EML6: variants seen among roughly 807,000 people sequenced by gnomAD.
EML6 encodes echinoderm microtubule-associated protein-like 6.
Under a neutral mutation model 240.1 loss-of-function variants are expected in EML6, and 154 were observed. That is an observed-to-expected ratio of 0.64 (90% CI 0.56 to 0.73). The LOEUF (loss-of-function observed/expected upper bound fraction) is 0.73. EML6 is among the 30% of genes least tolerant of loss of function. EML6 has a pLI of 0.00. For missense variants in EML6, 2,964 were observed against 2,474.6 expected, an observed-to-expected ratio of 1.20 and a Z score of -4.20; for synonymous variants, 1,148 against 899.0, an observed-to-expected ratio of 1.28 and a Z score of -4.95.
In EML6 at chr2:54,954,170, G is replaced by A. The variant is rs763761020; in HGVS notation, c.4486+14G>A. On this transcript the variant is annotated intron_variant, in intron 32 of 41. Transcript: ENST00000356458. The stretch of plus-strand genomic sequence containing the variant: ...GATGGCAGGAAGGTAAACCAGCACT[G>A]GGCTTTCTGTCCCTCCAGGGTGTCT... The A allele has an allele frequency of 6.5e-7, 1 of 1,548,448 alleles. No individual in the cohort carries two copies. Among genetic ancestry groups the A allele is most frequent in the Non-Finnish European group, 8.7e-7 (1 of 1,145,478 alleles).
intron 32 of EML6, 115 bp downstream of exon 32, chr2:54,954,271 G>A (rs754701505): frequency 4.3e-6 from 4 of 937,594 alleles, no homozygotes; most frequent in East Asian, 5.4e-5. Context: ...ACTGACTGCT[G>A]CTGGGCAAGT....
At chr2:54,873,374 G>T (rs2103934418) in intron 16 of EML6, among the ~76,000 whole-genome samples, 1 of 152,324 alleles carries the variant, frequency 6.6e-6, no homozygotes, top group South Asian at 2.1e-4. Flanking sequence ...AGGCATAAGT[G>T]TCAAGGGAGA....
chr2:54,866,530 C>T (rs916400346), intron 13 of EML6, among the ~76,000 whole-genome samples: 1 of 152,004 alleles, frequency 6.6e-6, no homozygotes, highest in Non-Finnish European at 1.5e-5. Flanking sequence ...GATATATTTT[C>T]TAGACATTAA....
chr2:54,869,053 C>T, intron 14 of EML6, 128 bp from the exon 15 acceptor site: 1 of 590,768 alleles, frequency 1.7e-6, no homozygotes, highest in Non-Finnish European at 2.9e-6. Context: ...ACATTGCTGT[C>T]CTATGTGACA....
chr2:54,915,101 A>G (rs939186156), intron 25 of EML6, among the ~76,000 whole-genome samples: 3 of 152,156 alleles, frequency 2.0e-5, no homozygotes, highest in African/African-American at 7.2e-5. Flanking sequence ...TAGTTCCAGC[A>G]TTTTCAACAA....
Position 54,963,654 on chromosome 2 carries a change from T to C in EML6, c.5158-332T>C, listed in dbSNP as rs533838002. Among the ~76,000 whole-genome samples the C allele has an allele frequency of 1.8e-3, 271 of 152,324 alleles. 1 individual carries two copies. The highest frequency in any genetic ancestry group is 6.4e-3 in the African/African-American group (268 of 41,574). ...TACAAGTCCAGCTGCCCTCATTTATTCAGGTACTGAGGCTGTCTTGTGCTA... is the reference window on the plus strand; with the variant it reads ...TACAAGTCCAGCTGCCCTCATTTATCCAGGTACTGAGGCTGTCTTGTGCTA... On this transcript the variant is annotated intron_variant, in intron 36 of 41. Coordinates refer to ENST00000356458, the MANE Select transcript of EML6 (RefSeq NM_001039753.4).
At chr2:54,843,902 A>G (rs1669603544) in intron 7 of EML6, 145 bp from the exon 8 acceptor site, 1 of 648,458 alleles carries the variant, frequency 1.5e-6, no homozygotes, top group Non-Finnish European at 2.7e-6. Context: ...TCTGCCTCCA[A>G]GAGTCTTTAA....
chr2:54,767,597 AGTGTGTGTGTGTGT>A (rs111232633), intron 2 of EML6, among the ~76,000 whole-genome samples: 3 of 145,618 alleles, frequency 2.1e-5, no homozygotes, highest in Admixed American at 6.9e-5. Context: ...TGGTATGAAG[AGTGTGTGTGTGTGT>A]GTGTGTGTGT....
chr2:54,923,486 G>T (rs1674375467), intron 26 of EML6, among the ~76,000 whole-genome samples: 1 of 151,570 alleles, frequency 6.6e-6, no homozygotes, highest in African/African-American at 2.4e-5. Context: ...ATCAGATTCT[G>T]TTGTACACCT....
chr2:54,905,499 T>C (rs977831795), intron 24 of EML6, among the ~76,000 whole-genome samples: 2 of 152,172 alleles, frequency 1.3e-5, no homozygotes, highest in Admixed American at 1.3e-4. Flanking sequence ...AGAGTAAATT[T>C]TGACTGGGAA....
chr2:54,806,230 C>T (rs559002747), intron 2 of EML6, among the ~76,000 whole-genome samples: 1 of 151,992 alleles, frequency 6.6e-6, no homozygotes, highest in African/African-American at 2.4e-5. Flanking sequence ...ATGGTTTTTA[C>T]CAGTTTAAAT....
intron 2 of EML6, among the ~76,000 whole-genome samples, chr2:54,742,857 T>A (rs1683717133): frequency 6.6e-6 from 1 of 152,178 alleles, no homozygotes; most frequent in Non-Finnish European, 1.5e-5. Context: ...CACACGTAAG[T>A]CCTCACTGAA....
intron 2 of EML6, among the ~76,000 whole-genome samples, chr2:54,799,407 G>A (rs552215756): frequency 1.7e-4 from 26 of 149,824 alleles, no homozygotes; most frequent in South Asian, 4.3e-4. Flanking sequence ...GTGTGGTGGC[G>A]CGATCTCCGT....
chr2:54,825,997 T>G (rs1452673986), intron 5 of EML6, among the ~76,000 whole-genome samples: 2 of 152,258 alleles, frequency 1.3e-5, no homozygotes, highest in East Asian at 3.8e-4. Context: ...TCATTCTGTT[T>G]AATTCAACTT....
chr2:54,914,501 T>G (rs554297657), intron 25 of EML6, among the ~76,000 whole-genome samples: 1 of 152,220 alleles, frequency 6.6e-6, no homozygotes, highest in Non-Finnish European at 1.5e-5. Context: ...TAAAAGATAA[T>G]GCACAAAAGG....
chr2:54,916,189 A>G (rs1673900304), intron 25 of EML6, among the ~76,000 whole-genome samples: 1 of 152,166 alleles, frequency 6.6e-6, no homozygotes, highest in African/African-American at 2.4e-5. Flanking sequence ...CATGTTTTTT[A>G]AAGTTGTGTC....
intron 17 of EML6, chr2:54,881,648 CAAAA>C (rs35910314): frequency 2.1e-4 from 20 of 96,290 alleles, no homozygotes; most frequent in Non-Finnish European, 2.4e-4. Flanking sequence ...GACTCCGTCC[CAAAA>C]AAAAAAAAAA....
chr2:54,831,268 A>G (rs968166574), intron 7 of EML6, among the ~76,000 whole-genome samples: 3 of 152,212 alleles, frequency 2.0e-5, no homozygotes, highest in Non-Finnish European at 2.9e-5. Context: ...CAGTTACTCC[A>G]TTTAACTAAT....
In EML6 at chr2:54,892,523, C is replaced by T. The variant is rs1672526731; in HGVS notation, c.2609C>T (p.Ser870Phe). Residue 870 changes from serine (S) to phenylalanine (F), a missense_variant, in exon 19 of 42, where the codon TCT becomes TTT. By Grantham distance (155) the Ser-to-Phe change is radical (BLOSUM62 -2). Coordinates refer to ENST00000356458, the MANE Select transcript of EML6 (RefSeq NM_001039753.4). ...VGKLETMMCV[S>F]YGRMEDLVFS... is the part of the protein sequence containing the mutation. ...AAATTGGAAACAATGATGTGTGTTT[C>T]TTACGGACGAATGGAAGATCTAGTG... The T allele has an allele frequency of 1.9e-6, 3 of 1,551,346 alleles. No individual in the cohort carries two copies. Among genetic ancestry groups the T allele is most frequent in the Non-Finnish European group, 2.6e-6 (3 of 1,146,830 alleles).
Sources: gnomAD v4.1 joint callset for allele counts (sites outside exome capture counted in the v4.1 genomes callset) on GRCh38, gnomAD v4.1.1 for gene constraint, MANE v1.5 for transcripts, NCBI Gene and HGNC (gene_info 2026-07-23, HGNC 2026-07-21) for gene names.